The following BCAT1 variants were observed in gnomAD, a reference collection of about 807,000 sequenced individuals.
BCAT1 encodes the protein branched-chain-amino-acid aminotransferase, cytosolic.
Under a neutral mutation model 52.4 loss-of-function variants are expected in BCAT1, and 48 were observed. The ratio of observed to expected loss-of-function variants is 0.92; its 90% CI spans 0.73 to 1.16. The LOEUF (loss-of-function observed/expected upper bound fraction) is 1.16. BCAT1 is among the 50% of genes most tolerant of loss of function. BCAT1 has a pLI of 0.00. For synonymous variants in BCAT1, 167 were observed against 161.3 expected, an observed-to-expected ratio of 1.04 and a Z score of -0.27; for missense variants, 451 against 457.1, an observed-to-expected ratio of 0.99 and a Z score of 0.12.
chr12:24,854,305 T>C (rs1277397458), intron 5 of BCAT1, among the ~76,000 whole-genome samples: 1 of 152,228 alleles, frequency 6.6e-6, no homozygotes, highest in Non-Finnish European at 1.5e-5. Context: ...TTGAGAATAA[T>C]TCTGCCTAGG....
rs182973114 is a variant in BCAT1 at position 24,927,434 on chromosome 12, T to C, written c.6+21493A>G. Reference sequence around the variant, plus strand: ...AAAAACCTAGAATGTTATTTTTCCTTAAAAATCTACCAGTGACTCCAATTA... The same window carrying C: ...AAAAACCTAGAATGTTATTTTTCCTCAAAAATCTACCAGTGACTCCAATTA... On this transcript the variant is annotated intron_variant, in intron 1 of 10. Coordinates refer to ENST00000261192, the MANE Select transcript of BCAT1 (RefSeq NM_005504.7). Among the ~76,000 whole-genome samples the C allele has an allele frequency of 9.2e-5, 14 of 152,352 alleles. No homozygotes were observed. In the East Asian group the frequency reaches 1.5e-3, roughly 17 times the overall value.
intron 2 of BCAT1, 73 bp downstream of exon 2, chr12:24,901,741 C>T (rs1441686938): frequency 6.7e-7 from 1 of 1,488,238 alleles, no homozygotes; most frequent in Non-Finnish European, 9.2e-7. Flanking sequence ...AAAATTTCCC[C>T]GAATCTCAAC....
chr12:24,896,106 G>A lies in BCAT1; in HGVS notation c.79-1631C>T, dbSNP rs537635923. Among the ~76,000 whole-genome samples the A allele has an allele frequency of 4.6e-5, 7 of 152,008 alleles. No homozygotes were observed. In the East Asian group the frequency reaches 9.7e-4, roughly 21 times the overall value. ...TGGGCTTAAGCAATCTGCCTGCCTC[G>A]ACCTCCCAAAGTTCTAAGATTACAG... On this transcript the variant is annotated intron_variant, in intron 2 of 10. Coordinates refer to ENST00000261192, the MANE Select transcript of BCAT1 (RefSeq NM_005504.7).
At chr12:24,895,505 G>A (rs1485233709) in intron 2 of BCAT1, among the ~76,000 whole-genome samples, 1 of 149,424 alleles carries the variant, frequency 6.7e-6, no homozygotes, top group East Asian at 2.0e-4. Flanking sequence ...CAGCCTGGGA[G>A]ACAGAGCAAG....
intron 1 of BCAT1, among the ~76,000 whole-genome samples, chr12:24,920,180 A>G (rs1181251031): frequency 6.6e-6 from 1 of 152,232 alleles, no homozygotes; most frequent in East Asian, 1.9e-4. Flanking sequence ...GCATCCAGGA[A>G]GATCTCAATC....
chr12:24,818,919 T>G (rs1010040395), intron 10 of BCAT1, among the ~76,000 whole-genome samples: 3 of 152,168 alleles, frequency 2.0e-5, no homozygotes, highest in Non-Finnish European at 1.5e-5. Context: ...TATAATAAGT[T>G]CTCACTCTGT....
chr12:24,824,801 T>C (rs1940315450), intron 10 of BCAT1, among the ~76,000 whole-genome samples: 1 of 152,196 alleles, frequency 6.6e-6, no homozygotes, highest in Non-Finnish European at 1.5e-5. Flanking sequence ...AAATTTTAAT[T>C]AAGATAAAAT....
chr12:24,867,201 G>A (rs1305913065), intron 5 of BCAT1, among the ~76,000 whole-genome samples: 3 of 151,964 alleles, frequency 2.0e-5, no homozygotes, highest in Non-Finnish European at 4.4e-5. Context: ...ACATCAGAAG[G>A]AACAAACTCC....
intron 5 of BCAT1, among the ~76,000 whole-genome samples, chr12:24,854,619 T>A (rs1318665392): frequency 6.6e-6 from 1 of 152,184 alleles, no homozygotes; most frequent in Non-Finnish European, 1.5e-5. Context: ...TATAGCTGGC[T>A]TGCTGAAAGA....
intron 5 of BCAT1, among the ~76,000 whole-genome samples, chr12:24,876,722 G>T (rs962830863): frequency 9.2e-5 from 14 of 152,148 alleles, no homozygotes; most frequent in African/African-American, 3.4e-4. Flanking sequence ...ACCAAACACT[G>T]CATGTTCTCT....
chr12:24,863,394 AAG>A (rs1038167774), intron 5 of BCAT1, among the ~76,000 whole-genome samples: 1 of 152,260 alleles, frequency 6.6e-6, no homozygotes, highest in Admixed American at 6.5e-5. Flanking sequence ...GTACAATACA[AAG>A]AGCATAAAAA....
At chr12:24,943,838 G>T (rs1350090110) in intron 1 of BCAT1, among the ~76,000 whole-genome samples, 1 of 151,366 alleles carries the variant, frequency 6.6e-6, no homozygotes, top group South Asian at 2.1e-4. Flanking sequence ...CAAAAAATTA[G>T]CCGGGCGTGG....
chr12:24,825,970 G>C (rs960275540), intron 10 of BCAT1, among the ~76,000 whole-genome samples: 1 of 152,118 alleles, frequency 6.6e-6, no homozygotes, highest in Non-Finnish European at 1.5e-5. Context: ...TCAGCACTTT[G>C]GGAGGCTGAG....
At chr12:24,843,429 C>A (rs980835098) in intron 6 of BCAT1, among the ~76,000 whole-genome samples, 3 of 152,068 alleles carry the variant, frequency 2.0e-5, no homozygotes, top group African/African-American at 7.2e-5. Flanking sequence ...ATGGTGAAAC[C>A]ATGTCTCTAC....
intron 1 of BCAT1, among the ~76,000 whole-genome samples, chr12:24,925,451 G>A (rs542963991): frequency 6.6e-6 from 1 of 152,122 alleles, no homozygotes; most frequent in East Asian, 1.9e-4. Flanking sequence ...AAAGATTATA[G>A]ATATAGATAT....
intron 1 of BCAT1, among the ~76,000 whole-genome samples, chr12:24,937,653 A>G (rs1343024250): frequency 6.6e-6 from 1 of 152,158 alleles, no homozygotes; most frequent in African/African-American, 2.4e-5. Flanking sequence ...CTGGGATTAC[A>G]GTGCTGGGGC....
chr12:24,921,533 A>G (rs1848246461), intron 1 of BCAT1, among the ~76,000 whole-genome samples: 1 of 152,236 alleles, frequency 6.6e-6, no homozygotes, highest in Non-Finnish European at 1.5e-5. Flanking sequence ...TGATGATGAC[A>G]TACATTTTTC....
intron 2 of BCAT1, among the ~76,000 whole-genome samples, chr12:24,898,667 C>T (rs1047853897): frequency 6.6e-6 from 1 of 151,704 alleles, no homozygotes; most frequent in Non-Finnish European, 1.5e-5. Flanking sequence ...AGGCATGTGT[C>T]ATCGCACCTG....
intron 6 of BCAT1, among the ~76,000 whole-genome samples, chr12:24,845,043 T>G (rs1337951632): frequency 6.6e-6 from 1 of 151,152 alleles, no homozygotes; most frequent in East Asian, 1.9e-4. Context: ...TGAAACCCTG[T>G]CTCTACCAAA....
Sources: gnomAD v4.1 joint callset for allele counts (sites outside exome capture counted in the v4.1 genomes callset) on GRCh38, gnomAD v4.1.1 for gene constraint, MANE v1.5 for transcripts, NCBI Gene and HGNC (gene_info 2026-07-23, HGNC 2026-07-21) for gene names.